The following HOGA1 variants were observed in gnomAD, a reference collection of about 807,000 sequenced individuals.
The protein encoded by HOGA1 is 4-hydroxy-2-oxoglutarate aldolase, mitochondrial.
Under a neutral mutation model 34.3 loss-of-function variants are expected in HOGA1, and 30 were observed. The observed-to-expected ratio is 0.87, with a 90% confidence interval of 0.65 to 1.19. HOGA1 has a LOEUF of 1.19. Among genes scored for constraint, HOGA1 ranks in the 50% most tolerant of loss-of-function variants. HOGA1 has a pLI of 0.00. For missense variants in HOGA1, 417 were observed against 436.5 expected (o/e 0.96, Z 0.40); for synonymous variants, 161 against 174.0 (o/e 0.93, Z 0.59).
chr10:97,602,420 G>T, intron 6 of HOGA1: 1 of 985,402 alleles, frequency 1.0e-6, no homozygotes, highest in Non-Finnish European at 1.2e-6. Context: ...AAAGGAGTTA[G>T]AAGGCAGGAG....
chr10:97,590,380 G>C (rs1318203457), intron 1 of HOGA1: 1 of 1,613,970 alleles, frequency 6.2e-7, no homozygotes, highest in Non-Finnish European at 8.5e-7. Context: ...TAGAGTCCAA[G>C]GACATCAACC....
At chr10:97,585,027 A>G in intron 1 of HOGA1, 113 bp downstream of exon 1, 1 of 842,502 alleles carries the variant, frequency 1.2e-6, no homozygotes, top group Non-Finnish European at 1.9e-6. Flanking sequence ...TCTGGTACTC[A>G]GTGGGTCATT....
intron 1 of HOGA1, chr10:97,590,550 T>C (rs1327965559): frequency 6.2e-7 from 1 of 1,611,696 alleles, no homozygotes. Flanking sequence ...AGCCACAGCC[T>C]GCCTAATCGC....
intron 3 of HOGA1, 88 bp downstream of exon 3, chr10:97,599,304 C>A: frequency 1.3e-6 from 2 of 1,514,130 alleles, no homozygotes; most frequent in Non-Finnish European, 9.1e-7. Context: ...TTCACATGAA[C>A]GGCAGCTATA....
At chr10:97,602,351 C>T in intron 6 of HOGA1, 1 of 1,211,268 alleles carries the variant, frequency 8.3e-7, no homozygotes, top group Non-Finnish European at 1.0e-6. Flanking sequence ...AACCAGGGGC[C>T]TCTAAATCCG....
intron 1 of HOGA1, chr10:97,589,644 T>C: frequency 3.4e-6 from 1 of 290,502 alleles, no homozygotes; most frequent in Non-Finnish European, 6.7e-6. Flanking sequence ...CACCCGCAAC[T>C]GCCTTCCTCA....
chr10:97,594,057 T>G (rs2041049665), intron 1 of HOGA1, among the ~76,000 whole-genome samples: 1 of 151,550 alleles, frequency 6.6e-6, no homozygotes, highest in Non-Finnish European at 1.5e-5. Context: ...TTAGTAGAGA[T>G]AGCGTTTCAC....
At chr10:97,600,206 G>T in intron 5 of HOGA1, 43 bp downstream of exon 5, 1 of 1,517,566 alleles carries the variant, frequency 6.6e-7, no homozygotes, top group Non-Finnish European at 9.2e-7. Context: ...GTGACCAAGA[G>T]ATACCCAGGT....
intron 1 of HOGA1, among the ~76,000 whole-genome samples, chr10:97,597,820 T>C (rs2041082768): frequency 6.6e-6 from 1 of 152,104 alleles, no homozygotes; most frequent in South Asian, 2.1e-4. Context: ...TAGTTGGGCA[T>C]GGTAGCTCAT....
chr10:97,611,365 G>A (rs2041194122), intron 6 of HOGA1, 145 bp from the exon 7 acceptor site: 3 of 832,766 alleles, frequency 3.6e-6, no homozygotes, highest in South Asian at 1.6e-5. Context: ...GATTCCCAAT[G>A]TACCCTGGGT....
intron 1 of HOGA1, chr10:97,590,717 A>C: frequency 1.4e-6 from 1 of 733,108 alleles, no homozygotes; most frequent in Non-Finnish European, 2.3e-6. Context: ...CTACTTTCTT[A>C]GGCTCCTCAC....
At chr10:97,609,864 G>A (rs1038118160) in intron 6 of HOGA1, among the ~76,000 whole-genome samples, 11 of 152,264 alleles carry the variant, frequency 7.2e-5, no homozygotes, top group African/African-American at 2.4e-4. Flanking sequence ...GCCTGCAGGA[G>A]GGTGGCTTAC....
chr10:97,607,651 A>G (rs1478589424), intron 6 of HOGA1, among the ~76,000 whole-genome samples: 1 of 152,090 alleles, frequency 6.6e-6, no homozygotes, highest in African/African-American at 2.4e-5. Flanking sequence ...TCTTTTATAT[A>G]ATGTCCAGAT....
chr10:97,612,074 T>C lies in HOGA1; in HGVS notation c.*415T>C, dbSNP rs148648470. The C allele has an allele frequency of 3.5e-5, 6 of 170,862 alleles. No homozygotes were observed. The highest frequency in any genetic ancestry group is 1.3e-4 in the South Asian group (1 of 7,460). The allele number at this position is 170,862 out of a possible 1,614,324, so 10.6% of individuals were successfully genotyped here. A position where few individuals can be genotyped will look rare whatever the true frequency, so the allele number is the denominator to read the frequency against. Reference sequence around the variant, plus strand: ...CTCTGTCACCCAGGCTGGAGTGCAATGGCATGATCTCGCCTCCTGGGTTCA... The same window carrying C: ...CTCTGTCACCCAGGCTGGAGTGCAACGGCATGATCTCGCCTCCTGGGTTCA... On this transcript the variant is annotated 3_prime_UTR_variant, in exon 7 of 7. Coordinates refer to ENST00000370646, the MANE Select transcript of HOGA1 (RefSeq NM_138413.4).
rs201596675 is a variant in HOGA1, at chr10:97,601,839, G to C, written c.701-18G>C. On this transcript the variant is annotated intron_variant, in intron 5 of 6. Coordinates refer to ENST00000370646, the MANE Select transcript of HOGA1 (RefSeq NM_138413.4). ...GGGGAGAGGCTCTGGCTGATGTTCTGCGTCTTACTTCGTGCAGGAGCTGTG... is the reference window on the plus strand; with the variant it reads ...GGGGAGAGGCTCTGGCTGATGTTCTCCGTCTTACTTCGTGCAGGAGCTGTG... The C allele has an allele frequency of 1.9e-4, 303 of 1,610,956 alleles. No individual in the cohort carries two copies. The highest frequency in any genetic ancestry group is 1.2e-4 in the Admixed American group (7 of 59,956).
rs1564758995 is a variant in HOGA1, at chr10:97,599,193, G to T, written c.445G>T (p.Ala149Ser). The T allele has an allele frequency of 6.2e-7, 1 of 1,613,986 alleles. No homozygotes were observed. Among genetic ancestry groups the T allele is most frequent in the Non-Finnish European group, 8.5e-7 (1 of 1,180,036 alleles). ...CYYRGRMSSA[A>S]LIHHYTKVAD... is the part of the protein sequence containing the mutation. Reference sequence around the variant, plus strand: ...CTATCGTGGCCGCATGAGCAGTGCGGCCCTCATTCACCACTACACCAAGGT... The same window carrying T: ...CTATCGTGGCCGCATGAGCAGTGCGTCCCTCATTCACCACTACACCAAGGT... Residue 149 changes from alanine (A) to serine (S), a missense_variant, in exon 3 of 7, where the codon GCC (alanine) becomes TCC (serine). Transcript: ENST00000370646.
At position 97,584,770 on chromosome 10, in the gene HOGA1, G is replaced by A. The variant is rs2040953333; in HGVS notation, c.67G>A (p.Gly23Arg). 1 of 1,613,674 alleles carries A rather than the reference G, an allele frequency of 6.2e-7. No individual in the cohort carries two copies. Among genetic ancestry groups the A allele is most frequent in the Non-Finnish European group, 8.5e-7 (1 of 1,179,772 alleles). The change falls in exon 1 of 7, where the codon GGG (glycine) becomes AGG (arginine). Residue 23 changes from glycine (G) to arginine (R), a missense_variant. Physicochemically the swap from Gly to Arg is moderately radical, Grantham distance 125. Transcript: ENST00000370646. ...GLSRSLSRNV[G>R]VWASGEGKKV... The stretch of plus-strand genomic sequence containing the variant: ...AAGCAGGAGCTTGTCCAGGAATGTG[G>A]GGGTCTGGGCCTCAGGGGAGGGGAA...
chr10:97,589,943 T>C, intron 1 of HOGA1: 1 of 1,613,962 alleles, frequency 6.2e-7, no homozygotes, highest in Middle Eastern at 1.6e-4. Flanking sequence ...AACCTCTGAG[T>C]GTCCATCAGA....
chr10:97,606,879 A>G (rs1470391315), intron 6 of HOGA1, among the ~76,000 whole-genome samples: 1 of 152,170 alleles, frequency 6.6e-6, no homozygotes, highest in Non-Finnish European at 1.5e-5. Flanking sequence ...GTCCTTGAAC[A>G]TGGTACATTT....
Sources: gnomAD v4.1 joint callset for allele counts (sites outside exome capture counted in the v4.1 genomes callset) on GRCh38, gnomAD v4.1.1 for gene constraint, MANE v1.5 for transcripts, NCBI Gene and HGNC (gene_info 2026-07-23, HGNC 2026-07-21) for gene names.